The following KIRREL3 variants were observed in gnomAD, a reference collection of about 807,000 sequenced individuals.
The protein encoded by KIRREL3 is kin of IRRE-like protein 3.
Under a neutral mutation model 89.7 loss-of-function variants are expected in KIRREL3, and 36 were observed. The ratio of observed to expected loss-of-function variants is 0.40; its 90% CI spans 0.31 to 0.53. The LOEUF (loss-of-function observed/expected upper bound fraction) is 0.53. KIRREL3 is among the 20% of genes least tolerant of loss of function. The pLI is 0.49. For synonymous variants in KIRREL3, 445 were observed against 441.4 expected (o/e 1.01, Z -0.10); for missense variants, 864 against 1,056.6 (o/e 0.82, Z 2.53).
intron 1 of KIRREL3, among the ~76,000 whole-genome samples, chr11:126,670,173 C>T (rs1945872305): frequency 6.6e-6 from 1 of 152,204 alleles, no homozygotes; most frequent in Non-Finnish European, 1.5e-5. Context: ...CTCCCTGCTT[C>T]TCTCCTTGCC....
In KIRREL3 at chr11:126,424,434, C is replaced by A; in HGVS notation, c.*146G>T. 1 of 556,136 alleles carries A rather than the reference C, an allele frequency of 1.8e-6. No homozygotes were observed. 34.5% of individuals were successfully genotyped at this position (556,136 alleles called of 1,614,324 possible). On this transcript the variant is annotated 3_prime_UTR_variant, in exon 17 of 17. Transcript: ENST00000525144. ...CCAGATTTGTGCTTGATCAGAGCTT[C>A]GAAGGAAGGCAGTGGCAGAGGCGCT...
intron 1 of KIRREL3, among the ~76,000 whole-genome samples, chr11:126,585,892 G>A (rs1941826002): frequency 6.6e-6 from 1 of 152,244 alleles, no homozygotes. Context: ...TTGGGCTTCA[G>A]CTTCCCTGTG....
Position 126,655,167 on chromosome 11 carries a change from G to A in KIRREL3, c.56-92255C>T, listed in dbSNP as rs749473090. ...TGTGAGATGGAGAAGAAAGTGCAGG[G>A]TTGGGGTACGGGGAAAGGGGTAAGA... On this transcript the variant is annotated intron_variant, in intron 1 of 16. Transcript: ENST00000525144. The surrounding 1 kb of genome is among the most constrained non-coding windows in gnomAD (Gnocchi z 5.0). Among the ~76,000 whole-genome samples, 3 of 152,248 alleles carry A rather than the reference G, an allele frequency of 2.0e-5. No homozygotes were observed. The highest frequency in any genetic ancestry group is 2.9e-5 in the Non-Finnish European group (2 of 68,050).
intron 1 of KIRREL3, among the ~76,000 whole-genome samples, chr11:126,937,710 T>C (rs546850162): frequency 1.3e-3 from 201 of 151,830 alleles, no homozygotes; most frequent in African/African-American, 3.9e-3. Context: ...CCATCCTGGC[T>C]AACACAGTGA....
At chr11:127,002,929 A>AG (rs893505679), upstream of KIRREL3, 3 of 152,072 alleles carry the variant, frequency 2.0e-5, no homozygotes, top group African/African-American at 7.2e-5. Context: ...TGGAAAGAAG[A>AG]GGGGGGCCTG....
chr11:126,463,074 A>G lies in KIRREL3; in HGVS notation c.742+83T>C. On this transcript the variant is annotated intron_variant, in intron 6 of 16. Coordinates refer to ENST00000525144, the MANE Select transcript of KIRREL3 (RefSeq NM_032531.4). This position sits in a 1 kb window ranked among gnomAD's most constrained non-coding sequence, Gnocchi z 5.9. Reference sequence around the variant, plus strand: ...TGCCTGACCCATTTCCTGCTATCAGATGGGCCAGGCTATGGTCAGGGTTGC... The same window carrying G: ...TGCCTGACCCATTTCCTGCTATCAGGTGGGCCAGGCTATGGTCAGGGTTGC... 3 of 1,372,740 alleles carry G rather than the reference A, an allele frequency of 2.2e-6. No individual in the cohort carries two copies. Among genetic ancestry groups the G allele is most frequent in the Non-Finnish European group, 3.0e-6 (3 of 988,544 alleles). 85.0% of individuals were successfully genotyped at this position (1,372,740 alleles called of 1,614,324 possible). A position where few individuals can be genotyped will look rare whatever the true frequency, so the allele number is the denominator to read the frequency against.
At position 126,694,528 on chromosome 11, in the gene KIRREL3, G is replaced by C. The variant is rs772079360; in HGVS notation, c.56-131616C>G. On this transcript the variant is annotated intron_variant, in intron 1 of 16. Coordinates refer to ENST00000525144, the MANE Select transcript of KIRREL3 (RefSeq NM_032531.4). This position sits in a 1 kb window ranked among gnomAD's most constrained non-coding sequence, Gnocchi z 4.4. ...GCCTCCATCAGCTCCAGGCGGGTGT[G>C]GGGAATGCTGTTCTAGGGCAGGTTT... Among the ~76,000 whole-genome samples the C allele has an allele frequency of 1.3e-5, 2 of 152,278 alleles. No homozygotes were observed. Among genetic ancestry groups the C allele is most frequent in the Middle Eastern group, 3.4e-3 (1 of 294 alleles).
intron 1 of KIRREL3, among the ~76,000 whole-genome samples, chr11:126,662,486 G>C (rs4525249): frequency 6.6e-6 from 1 of 152,188 alleles, no homozygotes; most frequent in Non-Finnish European, 1.5e-5. Context: ...GCAAGATCTA[G>C]AGGCTGGCAT....
intron 5 of KIRREL3, among the ~76,000 whole-genome samples, chr11:126,467,008 G>A (rs767562825): frequency 1.3e-5 from 2 of 152,232 alleles, no homozygotes; most frequent in Non-Finnish European, 2.9e-5. Flanking sequence ...AAGAGTCCCC[G>A]AGGACCCAGC....
rs904506554 is a variant in KIRREL3 at position 126,605,417 on chromosome 11, G to A, written c.56-42505C>T. ...GGGTCTGGGATTTGAGGCTCAGGGG[G>A]AGGAGTCCTGCGGTGACTGCTGTGA... is the stretch of plus-strand genomic sequence containing the variant. On this transcript the variant is annotated intron_variant, in intron 1 of 16. Transcript: ENST00000525144. This position sits in a 1 kb window ranked among gnomAD's most constrained non-coding sequence, Gnocchi z 5.7. Among the ~76,000 whole-genome samples the A allele has an allele frequency of 6.6e-6, 1 of 152,164 alleles. No homozygotes were observed.
chr11:126,881,732 G>A (rs2134715768), intron 1 of KIRREL3, among the ~76,000 whole-genome samples: 1 of 152,148 alleles, frequency 6.6e-6, no homozygotes, highest in East Asian at 1.9e-4. Flanking sequence ...ATTTTTAGTA[G>A]AGATGGGGTT....
chr11:126,948,473 A>T lies in KIRREL3; in HGVS notation c.55+51982T>A, dbSNP rs146303195. Among the ~76,000 whole-genome samples the T allele has an allele frequency of 5.8e-3, 886 of 152,160 alleles. 5 individuals are homozygous for T. Among genetic ancestry groups the T allele is most frequent in the Non-Finnish European group, 0.01 (683 of 68,010 alleles). ...GGTAGACTAGAAATACTATGCAGGG[A>T]CTCTTGTTCATAGTGCAATGCCCAA... On this transcript the variant is annotated intron_variant, in intron 1 of 16. Coordinates refer to ENST00000525144, the MANE Select transcript of KIRREL3 (RefSeq NM_032531.4). The surrounding 1 kb of genome is among the most constrained non-coding windows in gnomAD (Gnocchi z 4.5).
intron 1 of KIRREL3, among the ~76,000 whole-genome samples, chr11:126,840,771 T>A (rs530761289): frequency 1.3e-5 from 2 of 152,274 alleles, no homozygotes; most frequent in East Asian, 3.9e-4. Context: ...GCCCTCTGGG[T>A]TTTCAGGTTG....
intron 1 of KIRREL3, among the ~76,000 whole-genome samples, chr11:126,838,845 A>G (rs573670788): frequency 2.0e-5 from 3 of 152,342 alleles, no homozygotes; most frequent in Admixed American, 6.5e-5. Flanking sequence ...GTTTGGCATG[A>G]TAAAGTTTTA....
At chr11:126,803,250 G>A (rs1329269387) in intron 1 of KIRREL3, among the ~76,000 whole-genome samples, 1 of 152,186 alleles carries the variant, frequency 6.6e-6, no homozygotes, top group Non-Finnish European at 1.5e-5. Flanking sequence ...AGGTGGAAAG[G>A]CCACACAGGG....
At chr11:126,922,104 GATCTATCTATCTGTCTGTCTATCT>G (rs1947361989) in intron 1 of KIRREL3, among the ~76,000 whole-genome samples, 3 of 119,006 alleles carry the variant, frequency 2.5e-5, no homozygotes, top group Non-Finnish European at 5.4e-5. Flanking sequence ...TCTATCTATC[GATCTATCTATCTGTCTGTCTATCT>G]ATCTATCTAT....
At chr11:126,532,157 T>C (rs1958962960) in intron 2 of KIRREL3, among the ~76,000 whole-genome samples, 1 of 152,192 alleles carries the variant, frequency 6.6e-6, no homozygotes, top group African/African-American at 2.4e-5. Context: ...ATTTTATAGA[T>C]GAACCAAGGC....
At chr11:126,942,457 G>A (rs1009526983) in intron 1 of KIRREL3, among the ~76,000 whole-genome samples, 1 of 152,128 alleles carries the variant, frequency 6.6e-6, no homozygotes, top group Non-Finnish European at 1.5e-5. Flanking sequence ...GCTAACAAGA[G>A]ATCAAGGCAT....
chr11:126,873,057 A>G (rs1945160469), intron 1 of KIRREL3, among the ~76,000 whole-genome samples: 2 of 152,230 alleles, frequency 1.3e-5, no homozygotes, highest in African/African-American at 4.8e-5. Context: ...TTGTTCAGCC[A>G]AAGAACTTTG....
Sources: allele counts gnomAD v4.1 joint callset (sites outside exome capture counted in the v4.1 genomes callset), GRCh38; gene constraint gnomAD v4.1.1; non-coding constraint Gnocchi (gnomAD v3.1); transcripts MANE v1.5; gene names NCBI Gene and HGNC (gene_info 2026-07-23, HGNC 2026-07-21).